CORO2A: variants seen among roughly 807,000 people sequenced by gnomAD.
CORO2A encodes the protein coronin-2A.
A neutral mutation model predicts 62.4 loss-of-function variants in CORO2A; 47 were observed. The observed-to-expected ratio is 0.75, with a 90% confidence interval of 0.60 to 0.96. CORO2A has a LOEUF of 0.96. Among genes scored for constraint, CORO2A ranks in the 40% least tolerant of loss-of-function variants. CORO2A has a pLI of 0.00. For missense variants in CORO2A, 610 were observed against 684.1 expected (o/e 0.89, Z 1.21); for synonymous variants, 273 against 268.9 (o/e 1.02, Z -0.15).
intron 1 of CORO2A, among the ~76,000 whole-genome samples, chr9:98,187,971 TA>T (rs1160745853): frequency 6.6e-6 from 1 of 152,202 alleles, no homozygotes; most frequent in Non-Finnish European, 1.5e-5. Flanking sequence ...AAAAGCGGGA[TA>T]AAAAGAGTAG....
chr9:98,134,876 C>A lies in CORO2A; in HGVS notation c.398G>T (p.Arg133Leu). The A allele has an allele frequency of 3.1e-6, 5 of 1,614,148 alleles. No individual in the cohort carries two copies. Among genetic ancestry groups the A allele is most frequent in the Non-Finnish European group, 4.2e-6 (5 of 1,180,032 alleles). ...GTGCCACTCCACCAGGCCTACTCTGCGCGCGTGGCCCACGAGTTCCTTCCT... is the reference window on the plus strand; with the variant it reads ...GTGCCACTCCACCAGGCCTACTCTGAGCGCGTGGCCCACGAGTTCCTTCCT... Reference protein sequence around the residue: ...AYRKELVGHARRVGLVEWHPT... With the variant: ...AYRKELVGHALRVGLVEWHPT... Residue 133 changes from arginine (R) to leucine (L), a missense_variant, in exon 4 of 12, where the codon CGC becomes CTC. Physicochemically the swap from Arg to Leu is moderately radical, Grantham distance 102. Coordinates refer to ENST00000375077, the MANE Select transcript of CORO2A (RefSeq NM_052820.4).
chr9:98,176,524 T>C (rs1828110989), intron 1 of CORO2A, among the ~76,000 whole-genome samples: 1 of 152,166 alleles, frequency 6.6e-6, no homozygotes, highest in African/African-American at 2.4e-5. Context: ...GCCAGCCACA[T>C]CCATTGTTTC....
rs530677063 is a variant in CORO2A, at chr9:98,132,314, G to A, written c.649-13C>T. The stretch of plus-strand genomic sequence containing the variant: ...TGTAGCTGGCCTCCTGGAGGGACAC[G>A]TGCGGTCGGTATTGGAGAGACAGTA... On this transcript the variant is annotated splice_polypyrimidine_tract_variant and intron_variant, in intron 5 of 11. Transcript: ENST00000375077. 6 of 1,606,190 alleles carry A rather than the reference G, an allele frequency of 3.7e-6. No individual in the cohort carries two copies. Among genetic ancestry groups the A allele is most frequent in the Admixed American group, 1.7e-5 (1 of 59,996 alleles).
At chr9:98,133,267 G>A (rs996725197) in intron 4 of CORO2A, 50 bp from the exon 5 acceptor site, 2 of 1,576,108 alleles carry the variant, frequency 1.3e-6, no homozygotes, top group Middle Eastern at 3.4e-4. Context: ...TTGCCCCTGG[G>A]CCTCATAGTT....
rs1423773276 is a variant in CORO2A at position 98,192,590 on chromosome 9, G to A, written c.-32C>T. On this transcript the variant is annotated 5_prime_UTR_variant, in exon 1 of 12. Transcript: ENST00000375077. Reference sequence around the variant, plus strand: ...GACTGCCGCGCAGGTGGCGGTGGCGGCGGCGGCGTCCAGCTCCGGCTCCGC... The same window carrying A: ...GACTGCCGCGCAGGTGGCGGTGGCGACGGCGGCGTCCAGCTCCGGCTCCGC... 6.6e-6 allele frequency: 1 copy of A among 150,830 alleles called. No homozygotes were observed. The highest frequency in any genetic ancestry group is 1.9e-4 in the East Asian group (1 of 5,152). 9.3% of individuals were successfully genotyped at this position (150,830 alleles called of 1,614,324 possible). A position where few individuals can be genotyped will look rare whatever the true frequency, so the allele number is the denominator to read the frequency against.
At position 98,124,766 on chromosome 9, in the gene CORO2A, G is replaced by A; in HGVS notation, c.*8C>T. The A allele has an allele frequency of 1.9e-6, 3 of 1,607,264 alleles. No individual in the cohort carries two copies. Among genetic ancestry groups the A allele is most frequent in the Non-Finnish European group, 2.5e-6 (3 of 1,176,884 alleles). On this transcript the variant is annotated 3_prime_UTR_variant, in exon 12 of 12. Transcript: ENST00000375077. ...GTCCCTGAGGGTGAGGAGGGCAGAGGTCTCTGCTCAGAGCTGCTCTGAGCC... is the reference window on the plus strand; with the variant it reads ...GTCCCTGAGGGTGAGGAGGGCAGAGATCTCTGCTCAGAGCTGCTCTGAGCC...
At position 98,134,942 on chromosome 9, in the gene CORO2A, C is replaced by T. The variant is rs1202386597; in HGVS notation, c.332G>A (p.Ser111Asn). 3.1e-6 allele frequency: 5 copies of T among 1,614,050 alleles called. No individual in the cohort carries two copies. The highest frequency in any genetic ancestry group is 4.2e-6 in the Non-Finnish European group (5 of 1,179,978). ...CSEDATIKIW[S>N]IPKQLLTRNL... ...CCTGGTCAGCAGCTGCTTGGGGATGCTCCAGATCTTAATCTGGCAGGGGAG... is the reference window on the plus strand; with the variant it reads ...CCTGGTCAGCAGCTGCTTGGGGATGTTCCAGATCTTAATCTGGCAGGGGAG... Residue 111 changes from serine (S) to asparagine (N), a missense_variant, in exon 4 of 12, where the codon AGC becomes AAC. Physicochemically the swap from Ser to Asn is conservative, Grantham distance 46 (BLOSUM62 1). Coordinates refer to ENST00000375077, the MANE Select transcript of CORO2A (RefSeq NM_052820.4).
chr9:98,145,304 T>C (rs1190482801), intron 2 of CORO2A, among the ~76,000 whole-genome samples: 1 of 152,216 alleles, frequency 6.6e-6, no homozygotes, highest in Non-Finnish European at 1.5e-5. Context: ...AGGTGGCCCC[T>C]GCTTCCCCTC....
intron 2 of CORO2A, among the ~76,000 whole-genome samples, chr9:98,155,297 G>A (rs974022332): frequency 3.3e-5 from 5 of 149,442 alleles, no homozygotes; most frequent in Admixed American, 1.3e-4. Context: ...TCTATAGCTC[G>A]CCTTTCCTTT....
At chr9:98,164,176 C>T (rs887641143) in intron 1 of CORO2A, among the ~76,000 whole-genome samples, 2 of 152,194 alleles carry the variant, frequency 1.3e-5, no homozygotes, top group Non-Finnish European at 2.9e-5. Context: ...AGATTAGAAC[C>T]ACAAGTTACC....
intron 1 of CORO2A, among the ~76,000 whole-genome samples, chr9:98,170,256 C>A (rs1479606887): frequency 6.6e-6 from 1 of 152,132 alleles, no homozygotes; most frequent in Non-Finnish European, 1.5e-5. Context: ...ATGGTTCTCC[C>A]CTTCTGCTGT....
intron 2 of CORO2A, among the ~76,000 whole-genome samples, chr9:98,151,806 C>A (rs987039862): frequency 6.6e-6 from 1 of 150,488 alleles, no homozygotes; most frequent in Admixed American, 6.6e-5. Context: ...CACCACCATG[C>A]CCGGCTAATT....
At chr9:98,139,142 T>C (rs1827533027) in intron 2 of CORO2A, among the ~76,000 whole-genome samples, 3 of 150,368 alleles carry the variant, frequency 2.0e-5, no homozygotes, top group Admixed American at 2.0e-4. Context: ...GAAGGGGCAA[T>C]AGGGGGTGAC....
intron 2 of CORO2A, among the ~76,000 whole-genome samples, chr9:98,139,861 C>T (rs1827542414): frequency 6.6e-6 from 1 of 152,158 alleles, no homozygotes; most frequent in Non-Finnish European, 1.5e-5. Flanking sequence ...ATAGAAAGGG[C>T]ATTTCCCTCA....
Position 98,157,483 on chromosome 9 carries a change from A to G in CORO2A, c.178T>C (p.Phe60Leu). 6.2e-7 allele frequency: 1 copy of G among 1,614,188 alleles called. No individual in the cohort carries two copies. The highest frequency in any genetic ancestry group is 1.1e-5 in the South Asian group (1 of 91,086). The change falls in exon 2 of 12, where the codon TTC becomes CTC. Residue 60 changes from phenylalanine (F) to leucine (L), a missense_variant. Transcript: ENST00000375077. ...ACCTGGTGCAGGGGGATGACGAGGAAGGCCCCTCCACCAGCACACTCAGTC... is the reference window on the plus strand; with the variant it reads ...ACCTGGTGCAGGGGGATGACGAGGAGGGCCCCTCCACCAGCACACTCAGTC... Reference protein sequence around the residue: ...VVTECAGGGAFLVIPLHQTGK... With the variant: ...VVTECAGGGALLVIPLHQTGK...
In CORO2A at chr9:98,124,554, C is replaced by A; in HGVS notation, c.*220G>T. On this transcript the variant is annotated 3_prime_UTR_variant, in exon 12 of 12. Transcript: ENST00000375077. ...AATAACAGAATTCAACAGAAGGCAT[C>A]ATCTGAAAACAAAGTCAATTCAGAA... 2 of 434,322 alleles carry A rather than the reference C, an allele frequency of 4.6e-6. No homozygotes were observed. The highest frequency in any genetic ancestry group is 8.1e-6 in the Non-Finnish European group (2 of 246,272). 26.9% of individuals were successfully genotyped at this position (434,322 alleles called of 1,614,324 possible). A position where few individuals can be genotyped will look rare whatever the true frequency, so the allele number is the denominator to read the frequency against.
chr9:98,162,414 C>G (rs1827898304), intron 1 of CORO2A, among the ~76,000 whole-genome samples: 1 of 152,178 alleles, frequency 6.6e-6, no homozygotes, highest in Non-Finnish European at 1.5e-5. Flanking sequence ...AGCCAGCTGA[C>G]AGCAAAAGAG....
chr9:98,145,805 C>T (rs1304236248), intron 2 of CORO2A, among the ~76,000 whole-genome samples: 2 of 152,148 alleles, frequency 1.3e-5, no homozygotes, highest in Non-Finnish European at 2.9e-5. Context: ...CTCTGTCTCC[C>T]GGGTTCAAGT....
At chr9:98,155,731 A>C (rs1827795117) in intron 2 of CORO2A, among the ~76,000 whole-genome samples, 1 of 152,174 alleles carries the variant, frequency 6.6e-6, no homozygotes, top group Admixed American at 6.5e-5. Flanking sequence ...AGTATTGACA[A>C]GTTATATTTT....
Sources: allele counts gnomAD v4.1 joint callset (sites outside exome capture counted in the v4.1 genomes callset), GRCh38; gene constraint gnomAD v4.1.1; transcripts MANE v1.5; gene names NCBI Gene and HGNC (gene_info 2026-07-23, HGNC 2026-07-21).